ASTN1: variants seen among roughly 807,000 people sequenced by gnomAD.
ASTN1 encodes astrotactin-1.
In ASTN1, 41 loss-of-function variants were observed where a neutral mutation model predicts 140.7. That is an observed-to-expected ratio of 0.29 (90% CI 0.23 to 0.38). ASTN1 has a LOEUF of 0.38. ASTN1 is among the 10% of genes least tolerant of loss of function. The pLI is 1.00. For missense variants in ASTN1, 1,479 were observed against 1,678.8 expected, an observed-to-expected ratio of 0.88 and a Z score of 2.08; for synonymous variants, 640 against 652.2, an observed-to-expected ratio of 0.98 and a Z score of 0.29.
intron 8 of ASTN1, among the ~76,000 whole-genome samples, chr1:177,000,767 T>C (rs1179199315): frequency 1.3e-5 from 2 of 152,198 alleles, no homozygotes; most frequent in Non-Finnish European, 2.9e-5. Flanking sequence ...AGAATCTGCA[T>C]TACAATGATG....
intron 1 of ASTN1, among the ~76,000 whole-genome samples, chr1:177,108,229 G>A (rs1463953408): frequency 2.0e-5 from 3 of 151,386 alleles, no homozygotes; most frequent in African/African-American, 7.3e-5. Flanking sequence ...CACGCCTGTA[G>A]TCCCAGCTAC....
chr1:176,885,708 A>G (rs1669007022), intron 18 of ASTN1, among the ~76,000 whole-genome samples: 1 of 152,164 alleles, frequency 6.6e-6, no homozygotes, highest in African/African-American at 2.4e-5. Flanking sequence ...AATTCAACAG[A>G]TATTTGTGAA....
chr1:176,914,088 A>C (rs755251901), intron 16 of ASTN1, among the ~76,000 whole-genome samples: 2 of 152,220 alleles, frequency 1.3e-5, no homozygotes, highest in Non-Finnish European at 2.9e-5. Context: ...TCAGTTCTCT[A>C]TATGAATCTC....
chr1:176,898,262 C>T (rs16850339), intron 16 of ASTN1, among the ~76,000 whole-genome samples: 2,856 of 152,162 alleles, frequency 0.019, 68 homozygotes, highest in South Asian at 0.11. Flanking sequence ...TTTCTGTCTC[C>T]GGAAAACCTT....
chr1:176,964,222 C>T (rs1021653295), intron 9 of ASTN1, among the ~76,000 whole-genome samples: 6 of 152,218 alleles, frequency 3.9e-5, no homozygotes, highest in African/African-American at 7.2e-5. Context: ...ACTCAGCAAA[C>T]TGTATGGATA....
intron 16 of ASTN1, among the ~76,000 whole-genome samples, chr1:176,920,090 A>G (rs1399013641): frequency 6.6e-6 from 1 of 152,220 alleles, no homozygotes; most frequent in Admixed American, 6.5e-5. Context: ...AGTTTTTGCA[A>G]TTGCTCTAAA....
At position 176,861,766 on chromosome 1, in the gene ASTN1, G is replaced by C. The variant is rs1667970356; in HGVS notation, c.*2518C>G. The C allele has an allele frequency of 4.1e-6, 4 of 985,468 alleles. No individual in the cohort carries two copies. Among genetic ancestry groups the C allele is most frequent in the Non-Finnish European group, 3.6e-6 (3 of 830,010 alleles). The allele number at this position is 985,468 out of a possible 1,614,324, so 61.0% of individuals were successfully genotyped here. On this transcript the variant is annotated 3_prime_UTR_variant, in exon 23 of 23. Transcript: ENST00000361833. ...CAGGAGGAAGAAAGTCTTGGGGAAAGAGGAGGCCAAAAAAGGAGGGTCACA... is the reference window on the plus strand; with the variant it reads ...CAGGAGGAAGAAAGTCTTGGGGAAACAGGAGGCCAAAAAAGGAGGGTCACA...
chr1:177,011,582 A>C (rs1045590885), intron 8 of ASTN1, among the ~76,000 whole-genome samples: 9 of 150,256 alleles, frequency 6.0e-5, no homozygotes, highest in Non-Finnish European at 1.2e-4. Flanking sequence ...CACACACACA[A>C]ACACACACAT....
At chr1:177,028,019 T>C (rs891138608) in intron 5 of ASTN1, among the ~76,000 whole-genome samples, 2 of 151,990 alleles carry the variant, frequency 1.3e-5, no homozygotes, top group African/African-American at 4.8e-5. Context: ...CAACAAACAC[T>C]TACAAGCATC....
intron 16 of ASTN1, among the ~76,000 whole-genome samples, chr1:176,916,261 C>T (rs752157499): frequency 6.6e-6 from 1 of 152,154 alleles, no homozygotes; most frequent in Non-Finnish European, 1.5e-5. Context: ...TATGTAGGTT[C>T]CCCATTCCTC....
intron 9 of ASTN1, among the ~76,000 whole-genome samples, chr1:176,960,528 TCA>T (rs1672614020): frequency 6.6e-6 from 1 of 152,222 alleles, no homozygotes; most frequent in Non-Finnish European, 1.5e-5. Context: ...CCCATCCATC[TCA>T]CAGTTTTCTC....
chr1:177,159,568 C>A (rs944369277), intron 1 of ASTN1, among the ~76,000 whole-genome samples: 2 of 152,166 alleles, frequency 1.3e-5, no homozygotes, highest in Non-Finnish European at 2.9e-5. Context: ...ACCTTTGAAG[C>A]CAATTGAAAA....
chr1:177,099,400 C>CT (rs894820168), intron 1 of ASTN1, among the ~76,000 whole-genome samples: 6 of 150,354 alleles, frequency 4.0e-5, no homozygotes, highest in African/African-American at 9.8e-5. Context: ...ATCCTAGCTC[C>CT]TTTTTTTTTA....
chr1:177,006,399 T>C (rs1338298703), intron 8 of ASTN1, among the ~76,000 whole-genome samples: 1 of 150,444 alleles, frequency 6.6e-6, no homozygotes, highest in East Asian at 1.9e-4. Flanking sequence ...TTTTTTTCTA[T>C]TGATTAAAAA....
At chr1:176,971,023 C>CACAGCA (rs1673120952) in intron 8 of ASTN1, among the ~76,000 whole-genome samples, 1 of 152,176 alleles carries the variant, frequency 6.6e-6, no homozygotes, top group Non-Finnish European at 1.5e-5. Context: ...ACCAGCTACT[C>CACAGCA]ACAGCACTTC....
chr1:176,907,451 T>G (rs970025651), intron 16 of ASTN1, among the ~76,000 whole-genome samples: 9 of 152,196 alleles, frequency 5.9e-5, no homozygotes, highest in Admixed American at 5.9e-4. Flanking sequence ...GTGGCCTGAT[T>G]TGAAAACTAC....
intron 16 of ASTN1, among the ~76,000 whole-genome samples, chr1:176,904,639 C>T (rs895894971): frequency 6.6e-6 from 1 of 152,194 alleles, no homozygotes; most frequent in Non-Finnish European, 1.5e-5. Flanking sequence ...TTAAGGCTTC[C>T]TCCGCGCCCC....
intron 1 of ASTN1, among the ~76,000 whole-genome samples, chr1:177,138,093 G>A (rs1222349808): frequency 6.6e-6 from 1 of 152,102 alleles, no homozygotes; most frequent in Non-Finnish European, 1.5e-5. Context: ...TCCAGACCTG[G>A]TGCTCAGATC....
intron 8 of ASTN1, among the ~76,000 whole-genome samples, chr1:177,003,655 AC>A (rs1440303986): frequency 1.3e-5 from 2 of 152,052 alleles, no homozygotes; most frequent in African/African-American, 4.8e-5. Context: ...TACTAAAAAT[AC>A]AAAAAATTAG....
Sources: allele counts gnomAD v4.1 joint callset (sites outside exome capture counted in the v4.1 genomes callset), GRCh38; gene constraint gnomAD v4.1.1; transcripts MANE v1.5; gene names NCBI Gene and HGNC (gene_info 2026-07-23, HGNC 2026-07-21).